PPP3CA: variants seen among roughly 807,000 people sequenced by gnomAD.
The protein encoded by PPP3CA is protein phosphatase 3 catalytic subunit alpha.
A neutral mutation model predicts 66.5 loss-of-function variants in PPP3CA; 14 were observed. That is an observed-to-expected ratio of 0.21 (90% CI 0.14 to 0.33). The LOEUF is 0.33. Among genes scored for constraint, PPP3CA ranks in the 10% least tolerant of loss-of-function variants. The pLI, the probability that PPP3CA is intolerant of heterozygous loss-of-function variation, is 1.00. For missense variants in PPP3CA, 317 were observed against 639.5 expected, an observed-to-expected ratio of 0.50 and a Z score of 5.44; for synonymous variants, 232 against 226.2, an observed-to-expected ratio of 1.03 and a Z score of -0.23.
chr4:101,340,256 T>TA (rs1296295270), intron 1 of PPP3CA, among the ~76,000 whole-genome samples: 2 of 152,162 alleles, frequency 1.3e-5, no homozygotes, highest in Non-Finnish European at 2.9e-5. Context: ...TTTTTTAAAA[T>TA]AGAGTCATAG....
chr4:101,197,778 G>GAAA (rs1362548282), intron 1 of PPP3CA, among the ~76,000 whole-genome samples: 1 of 152,114 alleles, frequency 6.6e-6, no homozygotes, highest in African/African-American at 2.4e-5. Context: ...CTGTACAGGA[G>GAAA]AAACCTGAGG....
Position 101,175,696 on chromosome 4 carries a change from T to C in PPP3CA, c.259+20220A>G, listed in dbSNP as rs148028944. Among the ~76,000 whole-genome samples, 14 of 152,268 alleles carry C rather than the reference T, an allele frequency of 9.2e-5. No homozygotes were observed. In the East Asian group the frequency reaches 2.7e-3, roughly 29 times the overall value. On this transcript the variant is annotated intron_variant, in intron 2 of 13. Coordinates refer to ENST00000394854, the MANE Select transcript of PPP3CA (RefSeq NM_000944.5). ...TATGCCTGAGTCTGTCCTATATTGT[T>C]GATGAGAAAGAAGCAGGTAGAAAGT...
At chr4:101,164,421 T>C (rs1396892820) in intron 2 of PPP3CA, among the ~76,000 whole-genome samples, 1 of 152,192 alleles carries the variant, frequency 6.6e-6, no homozygotes, top group African/African-American at 2.4e-5. Flanking sequence ...CATATAATAA[T>C]ACCTCAAATA....
At chr4:101,289,797 T>C (rs1309604547) in intron 1 of PPP3CA, among the ~76,000 whole-genome samples, 2 of 152,142 alleles carry the variant, frequency 1.3e-5, no homozygotes, top group Non-Finnish European at 2.9e-5. Context: ...TGAATCTGTC[T>C]CATTCAAATG....
chr4:101,256,266 T>C (rs1430016125), intron 1 of PPP3CA, among the ~76,000 whole-genome samples: 1 of 151,996 alleles, frequency 6.6e-6, no homozygotes, highest in Non-Finnish European at 1.5e-5. Flanking sequence ...AATCATCTAA[T>C]GTCTGAAGAG....
intron 1 of PPP3CA, among the ~76,000 whole-genome samples, chr4:101,319,011 C>T (rs1366525046): frequency 1.3e-5 from 2 of 151,990 alleles, no homozygotes; most frequent in African/African-American, 4.8e-5. Flanking sequence ...TTCTGCTGGA[C>T]AAGCAATCTC....
chr4:101,140,393 T>C (rs1393945487), intron 2 of PPP3CA, among the ~76,000 whole-genome samples: 2 of 152,190 alleles, frequency 1.3e-5, no homozygotes, highest in Non-Finnish European at 2.9e-5. Flanking sequence ...GCCCAGTGCA[T>C]GCCCTATGCA....
At chr4:101,030,961 GT>G (rs971475102) in intron 12 of PPP3CA, among the ~76,000 whole-genome samples, 204 of 13,688 alleles carry the variant, frequency 0.015, 4 homozygotes, top group South Asian at 0.13. Context: ...TTTTGTGTGT[GT>G]TTTTTTTTTA....
intron 2 of PPP3CA, among the ~76,000 whole-genome samples, chr4:101,146,214 C>T (rs926152991): frequency 4.6e-5 from 7 of 152,184 alleles, no homozygotes; most frequent in African/African-American, 1.4e-4. Context: ...TATCCAAAAA[C>T]ACCTCAAAGA....
At position 101,263,300 on chromosome 4, in the gene PPP3CA, T is replaced by A. The variant is rs115261741; in HGVS notation, c.59-67184A>T. On this transcript the variant is annotated intron_variant, in intron 1 of 13. Coordinates refer to ENST00000394854, the MANE Select transcript of PPP3CA (RefSeq NM_000944.5). ...GGACAGTCCAATTGTCTGAAGAGTT[T>A]ACACAAAAAACTACTGCTTAGACCC... Among the ~76,000 whole-genome samples the A allele has an allele frequency of 8.2e-3, 1,250 of 152,292 alleles. 10 individuals carry two copies. Among genetic ancestry groups the A allele is most frequent in the Middle Eastern group, 0.02 (6 of 294 alleles).
intron 2 of PPP3CA, among the ~76,000 whole-genome samples, chr4:101,113,252 A>T (rs529031884): frequency 5.7e-4 from 87 of 152,126 alleles, no homozygotes; most frequent in Non-Finnish European, 9.6e-4. Flanking sequence ...ATGGGCCCTG[A>T]ATCAGAATCT....
intron 7 of PPP3CA, among the ~76,000 whole-genome samples, chr4:101,082,756 G>A (rs1023475589): frequency 2.0e-5 from 3 of 152,092 alleles, no homozygotes; most frequent in African/African-American, 7.2e-5. Context: ...TGGTATTCAG[G>A]ATTAGGAATG....
intron 2 of PPP3CA, among the ~76,000 whole-genome samples, chr4:101,160,342 T>G (rs560254590): frequency 6.6e-6 from 1 of 152,278 alleles, no homozygotes; most frequent in South Asian, 2.1e-4. Flanking sequence ...GGGAAATAAC[T>G]TATCCTTTTT....
At chr4:101,092,918 C>A (rs1448386991) in intron 6 of PPP3CA, among the ~76,000 whole-genome samples, 1 of 152,120 alleles carries the variant, frequency 6.6e-6, no homozygotes, top group Admixed American at 6.5e-5. Context: ...AATAAACATG[C>A]ATATACATGT....
intron 1 of PPP3CA, among the ~76,000 whole-genome samples, chr4:101,200,029 A>G (rs1724919942): frequency 6.6e-6 from 1 of 152,074 alleles, no homozygotes; most frequent in Non-Finnish European, 1.5e-5. Context: ...TCCAGGGATC[A>G]CTTTCTGAGT....
chr4:101,295,166 T>G (rs1165267934), intron 1 of PPP3CA, among the ~76,000 whole-genome samples: 2 of 150,496 alleles, frequency 1.3e-5, no homozygotes, highest in African/African-American at 4.9e-5. Context: ...CCGGGCGCGG[T>G]GGCGGGCGCC....
intron 2 of PPP3CA, among the ~76,000 whole-genome samples, chr4:101,180,023 C>G (rs1724185942): frequency 6.6e-6 from 1 of 152,088 alleles, no homozygotes; most frequent in Admixed American, 6.6e-5. Flanking sequence ...TCTGTAGTCA[C>G]CCAAAAATGA....
rs927553235 is a variant in PPP3CA at position 101,273,330 on chromosome 4, C to T, written c.58+73409G>A. ...TTTTTGAGATGGAGTCTTGCTCTGTCGCCCAGGCTGGACAGAGAACCTATG... is the reference window on the plus strand; with the variant it reads ...TTTTTGAGATGGAGTCTTGCTCTGTTGCCCAGGCTGGACAGAGAACCTATG... On this transcript the variant is annotated intron_variant, in intron 1 of 13. Transcript: ENST00000394854. Among the ~76,000 whole-genome samples the T allele has an allele frequency of 5.3e-5, 8 of 150,622 alleles. No individual in the cohort carries two copies. In the East Asian group the frequency reaches 9.8e-4, roughly 18 times the overall value.
At chr4:101,252,671 C>A (rs1726714375) in intron 1 of PPP3CA, among the ~76,000 whole-genome samples, 1 of 152,134 alleles carries the variant, frequency 6.6e-6, no homozygotes, top group Non-Finnish European at 1.5e-5. Context: ...CCAGGTATAA[C>A]CCTGCTTTAT....
Sources: allele counts gnomAD v4.1 joint callset (sites outside exome capture counted in the v4.1 genomes callset), GRCh38; gene constraint gnomAD v4.1.1; transcripts MANE v1.5; gene names NCBI Gene and HGNC (gene_info 2026-07-23, HGNC 2026-07-21).